LPP: variants seen among roughly 807,000 people sequenced by gnomAD.
The protein encoded by LPP is LIM domain containing preferred translocation partner in lipoma.
In LPP, 38 loss-of-function variants were observed where a neutral mutation model predicts 60.4. The observed-to-expected ratio is 0.63, with a 90% CI of 0.49 to 0.83. LPP has a LOEUF of 0.83. Ranked by LOEUF, LPP falls within the 40% of genes least tolerant of loss-of-function variation. LPP has a pLI of 0.00. For missense variants in LPP, 902 were observed against 783.6 expected (o/e 1.15, Z -1.80); for synonymous variants, 328 against 290.8 (o/e 1.13, Z -1.30).
chr3:188,171,462 C>T (rs1423680509), intron 1 of LPP, among the ~76,000 whole-genome samples: 1 of 152,226 alleles, frequency 6.6e-6, no homozygotes, highest in Non-Finnish European at 1.5e-5. Flanking sequence ...CCTCTCTCCT[C>T]ACCTTTTTCC....
At chr3:188,550,406 G>A (rs1165565188) in intron 6 of LPP, among the ~76,000 whole-genome samples, 6 of 151,780 alleles carry the variant, frequency 4.0e-5, no homozygotes, top group African/African-American at 7.3e-5. Flanking sequence ...GTGAAACCCC[G>A]TCTCTACTAA....
chr3:188,860,638 A>G (rs954757797), intron 9 of LPP, among the ~76,000 whole-genome samples: 1 of 70,204 alleles, frequency 1.4e-5, no homozygotes, highest in African/African-American at 8.5e-5. Context: ...GCATGGTTAA[A>G]TAGAAAAAAA....
chr3:188,757,122 T>C (rs761749292), intron 8 of LPP, among the ~76,000 whole-genome samples: 7 of 152,220 alleles, frequency 4.6e-5, no homozygotes, highest in African/African-American at 7.2e-5. Flanking sequence ...CCTGTGAGTG[T>C]GGTTTTCCTT....
rs186350148 is a variant in LPP, at chr3:188,200,399, G to A, written c.-189-25006G>A. On this transcript the variant is annotated intron_variant, in intron 1 of 11. Transcript: ENST00000617246. ...CGAGTAACTGTGATTACAGGCACAT[G>A]CCACCATGCCCCACTAATTTTTGTA... is the stretch of plus-strand genomic sequence containing the variant. Among the ~76,000 whole-genome samples, 14 of 152,044 alleles carry A rather than the reference G, an allele frequency of 9.2e-5. 1 individual carries two copies. The highest frequency in any genetic ancestry group is 3.1e-4 in the African/African-American group (13 of 41,482).
At chr3:188,607,413 A>AAT (rs1842713299) in intron 6 of LPP, among the ~76,000 whole-genome samples, 2 of 36,638 alleles carry the variant, frequency 5.5e-5, no homozygotes, top group Non-Finnish European at 8.0e-5. Flanking sequence ...ATATATATAT[A>AAT]TATAATTTTT....
intron 2 of LPP, among the ~76,000 whole-genome samples, chr3:188,281,622 A>G (rs1742091925): frequency 6.7e-6 from 1 of 149,360 alleles, no homozygotes; most frequent in South Asian, 2.1e-4. Context: ...AAAAAAAAAA[A>G]GCTCCAAAGT....
chr3:188,664,676 T>C (rs1855386476), intron 7 of LPP, among the ~76,000 whole-genome samples: 1 of 152,082 alleles, frequency 6.6e-6, no homozygotes, highest in African/African-American at 2.4e-5. Context: ...ATTGCCACAA[T>C]CTTTTAATTA....
At chr3:188,613,288 A>ATATC (rs1844148719) in intron 7 of LPP, among the ~76,000 whole-genome samples, 2 of 141,876 alleles carry the variant, frequency 1.4e-5, no homozygotes, top group South Asian at 2.3e-4. Context: ...ATCTATATCT[A>ATATC]TATCTATATC....
chr3:188,626,371 C>T (rs1294423123), intron 7 of LPP, among the ~76,000 whole-genome samples: 1 of 151,592 alleles, frequency 6.6e-6, no homozygotes, highest in East Asian at 1.9e-4. Context: ...GTGTAGGTTA[C>T]GTGTATAGCA....
At chr3:188,411,641 G>A (rs1349685780) in intron 4 of LPP, among the ~76,000 whole-genome samples, 1 of 151,992 alleles carries the variant, frequency 6.6e-6, no homozygotes. Flanking sequence ...AGCCTTTAGT[G>A]TTGTTTGTCC....
intron 5 of LPP, among the ~76,000 whole-genome samples, chr3:188,495,061 A>ATT (rs1277710565): frequency 4.3e-3 from 30 of 6,976 alleles, no homozygotes; most frequent in Non-Finnish European, 9.1e-3. Context: ...AAGGTTCAGG[A>ATT]TTTTATATAT....
chr3:188,571,027 C>G (rs1327886163), intron 6 of LPP, among the ~76,000 whole-genome samples: 2 of 151,980 alleles, frequency 1.3e-5, no homozygotes, highest in Non-Finnish European at 2.9e-5. Context: ...TGTATTGTAC[C>G]TCCCAAGTAA....
chr3:188,711,868 T>C (rs1332866964), intron 8 of LPP: 1 of 152,238 alleles, frequency 6.6e-6, no homozygotes, highest in Admixed American at 6.5e-5. Context: ...AAAGTATTTA[T>C]GGAATACTTA....
chr3:188,524,969 C>CTTTTTTTTT (rs1820155710), intron 6 of LPP, among the ~76,000 whole-genome samples, 182 bp downstream of exon 6: 7 of 69,150 alleles, frequency 1.0e-4, no homozygotes, highest in African/African-American at 2.9e-4. Context: ...TTCTTTCTTT[C>CTTTTTTTTT]TCTTTTTTTT....
chr3:188,576,075 G>T (rs1412514213), intron 6 of LPP, among the ~76,000 whole-genome samples: 1 of 152,088 alleles, frequency 6.6e-6, no homozygotes, highest in African/African-American at 2.4e-5. Context: ...TAACTACTGA[G>T]GCTAATGTTC....
intron 4 of LPP, among the ~76,000 whole-genome samples, chr3:188,433,339 G>A (rs1023711215): frequency 1.3e-4 from 20 of 152,094 alleles, no homozygotes; most frequent in Admixed American, 5.9e-4. Flanking sequence ...GGTTAAGAAA[G>A]TCAATCATTT....
At chr3:188,676,019 A>G (rs150263612) in intron 7 of LPP, among the ~76,000 whole-genome samples, 104 of 152,308 alleles carry the variant, frequency 6.8e-4, no homozygotes, top group African/African-American at 2.4e-3. Flanking sequence ...AAAGATTACT[A>G]TACTGGAAAT....
chr3:188,616,632 T>C (rs1844905888), intron 7 of LPP, among the ~76,000 whole-genome samples: 2 of 152,126 alleles, frequency 1.3e-5, no homozygotes, highest in African/African-American at 4.8e-5. Flanking sequence ...AGTTTGTTGT[T>C]GTCCACAAAA....
intron 4 of LPP, among the ~76,000 whole-genome samples, chr3:188,471,412 T>C (rs1801809125): frequency 6.6e-6 from 1 of 152,214 alleles, no homozygotes; most frequent in African/African-American, 2.4e-5. Context: ...ATGAGGTAAC[T>C]ATGCATTAGG....
Sources: allele counts gnomAD v4.1 joint callset (sites outside exome capture counted in the v4.1 genomes callset), GRCh38; gene constraint gnomAD v4.1.1; transcripts MANE v1.5; gene names NCBI Gene and HGNC (gene_info 2026-07-23, HGNC 2026-07-21).